HECW2: variants seen among roughly 807,000 people sequenced by gnomAD.
The protein encoded by HECW2 is E3 ubiquitin-protein ligase HECW2.
Under a neutral mutation model 175.2 loss-of-function variants are expected in HECW2, and 61 were observed. The ratio of observed to expected loss-of-function variants is 0.35; its 90% CI spans 0.28 to 0.43. The LOEUF (loss-of-function observed/expected upper bound fraction) is 0.43. Ranked by LOEUF, HECW2 falls within the 20% of genes least tolerant of loss-of-function variation. HECW2 has a pLI of 1.00. For synonymous variants in HECW2, 671 were observed against 731.0 expected, an observed-to-expected ratio of 0.92 and a Z score of 1.32; for missense variants, 1,524 against 2,000.5, an observed-to-expected ratio of 0.76 and a Z score of 4.54.
chr2:196,582,496 C>G (rs527838342), intron 1 of HECW2, among the ~76,000 whole-genome samples: 1 of 152,302 alleles, frequency 6.6e-6, no homozygotes, highest in African/African-American at 2.4e-5. Flanking sequence ...CTTTAGGCAC[C>G]TAACCCTTTC....
At chr2:196,478,009 G>A (rs1686714096) in intron 1 of HECW2, among the ~76,000 whole-genome samples, 1 of 152,116 alleles carries the variant, frequency 6.6e-6, no homozygotes, top group Non-Finnish European at 1.5e-5. Context: ...CCGAGATCAT[G>A]CCACTGCACT....
chr2:196,399,176 C>G (rs1319843862), intron 2 of HECW2, among the ~76,000 whole-genome samples: 1 of 152,100 alleles, frequency 6.6e-6, no homozygotes, highest in Non-Finnish European at 1.5e-5. Context: ...AATGGGCTTC[C>G]CCAGACTCAG....
intron 1 of HECW2, among the ~76,000 whole-genome samples, chr2:196,564,756 T>G (rs944611141): frequency 6.6e-6 from 1 of 152,116 alleles, no homozygotes; most frequent in South Asian, 2.1e-4. Flanking sequence ...CTCAACCTCA[T>G]GCCTCCTACT....
At chr2:196,249,259 T>C (rs1373636823) in intron 19 of HECW2, among the ~76,000 whole-genome samples, 1 of 152,166 alleles carries the variant, frequency 6.6e-6, no homozygotes, top group Admixed American at 6.5e-5. Context: ...AGCCACATGG[T>C]GTTTGGAAAG....
At chr2:196,429,247 G>GGT (rs1553516659) in intron 2 of HECW2, among the ~76,000 whole-genome samples, 7 of 151,946 alleles carry the variant, frequency 4.6e-5, no homozygotes, top group African/African-American at 1.5e-4. Flanking sequence ...GCCTGGGGGG[G>GGT]GCCTACCTGC....
At chr2:196,301,029 C>A (rs1399182069) in intron 13 of HECW2, among the ~76,000 whole-genome samples, 2 of 151,836 alleles carry the variant, frequency 1.3e-5, no homozygotes. Flanking sequence ...TCGCCCTCTC[C>A]CTACCCCACC....
At chr2:196,487,539 T>C (rs568002294) in intron 1 of HECW2, among the ~76,000 whole-genome samples, 1 of 152,152 alleles carries the variant, frequency 6.6e-6, no homozygotes, top group South Asian at 2.1e-4. Flanking sequence ...ACCCCTGCCA[T>C]GGAACCACAC....
Position 196,199,071 on chromosome 2 carries a change from A to T in HECW2, c.*2206T>A, listed in dbSNP as rs1219954444. 5 of 152,568 alleles carry T rather than the reference A, an allele frequency of 3.3e-5. No homozygotes were observed. The highest frequency in any genetic ancestry group is 3.3e-4 in the Admixed American group (5 of 15,266). The allele number at this position is 152,568 out of a possible 1,614,324, so 9.5% of individuals were successfully genotyped here. A position where few individuals can be genotyped will look rare whatever the true frequency, so the allele number is the denominator to read the frequency against. ...ATGAAATACCATAACTAAATGTCTCAAACCAAAATGAAGGATAACATGGTC... is the reference window on the plus strand; with the variant it reads ...ATGAAATACCATAACTAAATGTCTCTAACCAAAATGAAGGATAACATGGTC... On this transcript the variant is annotated 3_prime_UTR_variant, in exon 29 of 29. Coordinates refer to ENST00000644978, the MANE Select transcript of HECW2 (RefSeq NM_001348768.2).
At chr2:196,584,793 A>C (rs1690917297) in intron 1 of HECW2, among the ~76,000 whole-genome samples, 1 of 152,132 alleles carries the variant, frequency 6.6e-6, no homozygotes, top group Non-Finnish European at 1.5e-5. Context: ...TTCCCTGAGC[A>C]CTCCATCTAA....
chr2:196,433,677 C>A (rs1347958142), intron 1 of HECW2, among the ~76,000 whole-genome samples: 1 of 152,112 alleles, frequency 6.6e-6, no homozygotes, highest in African/African-American at 2.4e-5. Flanking sequence ...CACATGCCTG[C>A]GACCCTCGAT....
intron 1 of HECW2, among the ~76,000 whole-genome samples, chr2:196,481,148 A>G (rs1433331758): frequency 1.3e-5 from 2 of 152,228 alleles, no homozygotes; most frequent in African/African-American, 4.8e-5. Flanking sequence ...GGACTGCTTA[A>G]GTACTAGTGG....
chr2:196,433,435 C>A lies in HECW2; in HGVS notation c.-12G>T. On this transcript the variant is annotated 5_prime_UTR_variant, in exon 2 of 29. Transcript: ENST00000644978. ...GCTGAACTAGCCATCCCGTCTGCTT[C>A]TCTGGGATTGGCTGCCTACAAAGCT... 1 of 1,608,530 alleles carries A rather than the reference C, an allele frequency of 6.2e-7. No individual in the cohort carries two copies.
intron 13 of HECW2, among the ~76,000 whole-genome samples, chr2:196,301,281 TG>T (rs1316709877): frequency 6.6e-6 from 1 of 152,232 alleles, no homozygotes; most frequent in African/African-American, 2.4e-5. Context: ...CTATCATTGA[TG>T]GGCATTTGGG....
chr2:196,390,667 T>A (rs1220620842), intron 2 of HECW2, among the ~76,000 whole-genome samples: 5 of 147,630 alleles, frequency 3.4e-5, no homozygotes, highest in African/African-American at 1.2e-4. Context: ...ACCTTGTTGT[T>A]TTTTATTAAC....
At chr2:196,494,997 A>ACT (rs1367623277) in intron 1 of HECW2, among the ~76,000 whole-genome samples, 1 of 151,940 alleles carries the variant, frequency 6.6e-6, no homozygotes, top group Admixed American at 6.6e-5. Flanking sequence ...GTGTTAAATA[A>ACT]CTCTCAGGAA....
intron 2 of HECW2, among the ~76,000 whole-genome samples, chr2:196,374,019 G>A (rs1165841214): frequency 6.7e-6 from 1 of 148,280 alleles, no homozygotes; most frequent in South Asian, 2.1e-4. Flanking sequence ...GCGACAGAGA[G>A]AGACTCCGTC....
At chr2:196,431,507 GT>G (rs1263297807) in intron 2 of HECW2, among the ~76,000 whole-genome samples, 1 of 152,046 alleles carries the variant, frequency 6.6e-6, no homozygotes, top group Non-Finnish European at 1.5e-5. Flanking sequence ...CTACAATTTG[GT>G]ATTTGTAGTC....
At chr2:196,363,663 T>C (rs1272156394) in intron 2 of HECW2, among the ~76,000 whole-genome samples, 1 of 152,124 alleles carries the variant, frequency 6.6e-6, no homozygotes, top group Non-Finnish European at 1.5e-5. Flanking sequence ...TACAAAAACA[T>C]GTTTTTTAAA....
chr2:196,334,658 CA>C, intron 3 of HECW2, 140 bp from the exon 4 acceptor site: 1 of 645,958 alleles, frequency 1.5e-6, no homozygotes, highest in South Asian at 1.9e-5. Context: ...TCAGCGCCAA[CA>C]AATTACATCA....
Sources: allele counts gnomAD v4.1 joint callset (sites outside exome capture counted in the v4.1 genomes callset), GRCh38; gene constraint gnomAD v4.1.1; transcripts MANE v1.5; gene names NCBI Gene and HGNC (gene_info 2026-07-23, HGNC 2026-07-21).